LANCL1: variants seen among roughly 807,000 people sequenced by gnomAD.
The protein encoded by LANCL1 is LanC like glutathione S-transferase 1.
In LANCL1, 50 loss-of-function variants were observed where a neutral mutation model predicts 50.6. The observed-to-expected ratio is 0.99, with a 90% confidence interval of 0.79 to 1.25. The LOEUF (loss-of-function observed/expected upper bound fraction) is 1.25, where lower values mean the gene tolerates loss of function less well. Ranked by LOEUF, LANCL1 falls within the 50% of genes most tolerant of loss-of-function variation. LANCL1 has a pLI of 0.00. For synonymous variants in LANCL1, 188 were observed against 178.6 expected (o/e 1.05, Z -0.42); for missense variants, 532 against 480.7 (o/e 1.11, Z -1.00).
chr2:210,475,492 G>A (rs776825226), intron 2 of LANCL1, among the ~76,000 whole-genome samples: 9 of 151,978 alleles, frequency 5.9e-5, no homozygotes, highest in Admixed American at 4.6e-4. Context: ...ACCACACCTG[G>A]CTAATTTTTA....
intron 3 of LANCL1, among the ~76,000 whole-genome samples, chr2:210,458,792 G>A (rs1472379207): frequency 6.6e-6 from 1 of 152,128 alleles, no homozygotes; most frequent in Non-Finnish European, 1.5e-5. Context: ...TCCCAAATAT[G>A]ATTCTATTCT....
At chr2:210,461,536 G>T (rs543916684) in intron 3 of LANCL1, among the ~76,000 whole-genome samples, 1 of 152,236 alleles carries the variant, frequency 6.6e-6, no homozygotes, top group Admixed American at 6.5e-5. Flanking sequence ...GTAGATCAGA[G>T]GAACAGCATC....
chr2:210,469,962 A>C (rs1488337919), intron 3 of LANCL1, among the ~76,000 whole-genome samples: 2 of 117,050 alleles, frequency 1.7e-5, no homozygotes, highest in Admixed American at 9.8e-5. Context: ...ACTAGAATTA[A>C]CTAGTGATTT....
chr2:210,446,790 G>A (rs1559710940), intron 4 of LANCL1, among the ~76,000 whole-genome samples: 1 of 151,944 alleles, frequency 6.6e-6, no homozygotes. Flanking sequence ...AATAAAGCAT[G>A]AAGACAAGGT....
rs769055622 is a variant in LANCL1 at position 210,435,362 on chromosome 2, CAAAT to C, written c.1123+21_1123+24del. 3.8e-6 allele frequency: 6 copies of C among 1,567,338 alleles called. No individual in the cohort carries two copies. The South Asian group carries it at 6.7e-5, about 17-fold the overall frequency. On this transcript the variant is annotated intron_variant, in intron 9 of 9. Transcript: ENST00000450366. Reference sequence around the variant, plus strand: ...AGAAGTAGATGCTGATATTATAGGGCAAATAAATAAAGTGTACAAAATACCTTCA... The same window carrying C: ...AGAAGTAGATGCTGATATTATAGGGCAAATAAAGTGTACAAAATACCTTCA...
At chr2:210,438,544 A>G (rs991093695) in intron 6 of LANCL1, among the ~76,000 whole-genome samples, 3 of 152,228 alleles carry the variant, frequency 2.0e-5, no homozygotes, top group African/African-American at 4.8e-5. Context: ...CATGGTTTCA[A>G]TATATAAAAC....
rs570260624 is a variant in LANCL1 at position 210,437,928 on chromosome 2, C to A, written c.691-56G>T. 230 of 1,280,992 alleles carry A rather than the reference C, an allele frequency of 1.8e-4. 2 individuals carry two copies. In the African/African-American group the frequency reaches 3.2e-3, roughly 18 times the overall value. The allele number at this position is 1,280,992 out of a possible 1,614,324, so 79.4% of individuals were successfully genotyped here. ...CTGAAGCAAATAAACCTTCCTAGGT[C>A]TCAGTATATTTAAACCAGAAAAAAA... On this transcript the variant is annotated intron_variant, in intron 6 of 9. Transcript: ENST00000450366.
intron 3 of LANCL1, among the ~76,000 whole-genome samples, chr2:210,456,004 C>G (rs1414880835): frequency 2.0e-5 from 3 of 152,002 alleles, no homozygotes; most frequent in African/African-American, 7.2e-5. Flanking sequence ...TTGCCTTGGG[C>G]TCTACTTGAT....
rs534035939 is a variant in LANCL1, at chr2:210,431,602, G to GT, written c.*2884dup. The GT allele has an allele frequency of 7.9e-3, 1,197 of 152,242 alleles. 10 individuals are homozygous for GT. Among genetic ancestry groups the GT allele is most frequent in the Non-Finnish European group, 0.013 (861 of 68,012 alleles). The allele number at this position is 152,242 out of a possible 1,614,324, so 9.4% of individuals were successfully genotyped here. A position where few individuals can be genotyped will look rare whatever the true frequency, so the allele number is the denominator to read the frequency against. On this transcript the variant is annotated 3_prime_UTR_variant, in exon 10 of 10. Transcript: ENST00000450366. ...AGTAGCTAGTAAAAGGCAGGGCATC[G>GT]TAAGATCAGACAAAAATTAACCTGA...
chr2:210,459,573 G>C (rs917200494), intron 3 of LANCL1, among the ~76,000 whole-genome samples: 17 of 151,978 alleles, frequency 1.1e-4, no homozygotes, highest in Non-Finnish European at 2.2e-4. Flanking sequence ...AGTGGCTGTC[G>C]CGATGGAAAT....
In LANCL1 at chr2:210,432,060, A is replaced by AAAT. The variant is rs1217751298; in HGVS notation, c.*2424_*2426dup. On this transcript the variant is annotated 3_prime_UTR_variant, in exon 10 of 10. Coordinates refer to ENST00000450366, the MANE Select transcript of LANCL1 (RefSeq NM_006055.3). ...TCTGGGAAAGATTTTTAAAGAAGAA[A>AAAT]AATATCTGAGAGAAAAATACAAACT... 6.6e-6 allele frequency: 1 copy of AAAT among 152,172 alleles called. No individual in the cohort carries two copies. The highest frequency in any genetic ancestry group is 1.5e-5 in the Non-Finnish European group (1 of 68,028). 9.4% of individuals were successfully genotyped at this position (152,172 alleles called of 1,614,324 possible).
intron 4 of LANCL1, among the ~76,000 whole-genome samples, chr2:210,443,086 G>C (rs1432922338): frequency 6.6e-6 from 1 of 152,184 alleles, no homozygotes; most frequent in Non-Finnish European, 1.5e-5. Flanking sequence ...TGCATGCATA[G>C]TCATAGACAT....
intron 4 of LANCL1, among the ~76,000 whole-genome samples, chr2:210,444,116 C>T (rs1470458774): frequency 2.0e-5 from 3 of 152,310 alleles, no homozygotes; most frequent in South Asian, 4.1e-4. Flanking sequence ...TTCATTTGAA[C>T]ATACTCAGAA....
intron 4 of LANCL1, among the ~76,000 whole-genome samples, chr2:210,453,884 A>G (rs530040326): frequency 1.2e-3 from 176 of 152,216 alleles, no homozygotes; most frequent in African/African-American, 3.9e-3. Flanking sequence ...ATTTTGGTCG[A>G]GCTTGGTGAC....
chr2:210,447,906 G>A (rs1693393517), intron 4 of LANCL1, among the ~76,000 whole-genome samples: 1 of 152,034 alleles, frequency 6.6e-6, no homozygotes, highest in Admixed American at 6.6e-5. Context: ...CAAAAATAGT[G>A]GGAGACTGTA....
At chr2:210,462,838 C>G (rs915553072) in intron 3 of LANCL1, among the ~76,000 whole-genome samples, 1 of 152,184 alleles carries the variant, frequency 6.6e-6, no homozygotes, top group African/African-American at 2.4e-5. Flanking sequence ...CATACTTTAT[C>G]AGGGCTTACT....
At chr2:210,445,207 C>A (rs1693279167) in intron 4 of LANCL1, among the ~76,000 whole-genome samples, 1 of 152,040 alleles carries the variant, frequency 6.6e-6, no homozygotes, top group Non-Finnish European at 1.5e-5. Context: ...AAGTATTACA[C>A]CGAATTACTG....
At position 210,446,062 on chromosome 2, in the gene LANCL1, C is replaced by T. The variant is rs557269411; in HGVS notation, c.408-4619G>A. 1.4e-4 allele frequency among the ~76,000 whole-genome samples: 22 copies of T among 152,298 alleles called. No homozygotes were observed. The East Asian group carries it at 2.1e-3, about 15-fold the overall frequency. On this transcript the variant is annotated intron_variant, in intron 4 of 9. Transcript: ENST00000450366. Reference sequence around the variant, plus strand: ...AGCAGACTTAAACATTCCTGCGTGCCGGCTCTGAAGAGAGCAGTGGATCTC... The same window carrying T: ...AGCAGACTTAAACATTCCTGCGTGCTGGCTCTGAAGAGAGCAGTGGATCTC...
At chr2:210,469,780 G>A (rs1694170488) in intron 3 of LANCL1, among the ~76,000 whole-genome samples, 1 of 152,094 alleles carries the variant, frequency 6.6e-6, no homozygotes, top group African/African-American at 2.4e-5. Context: ...TTCTCAACTA[G>A]CCCTAGCAAT....
Sources: gnomAD v4.1 joint callset for allele counts (sites outside exome capture counted in the v4.1 genomes callset) on GRCh38, gnomAD v4.1.1 for gene constraint, MANE v1.5 for transcripts, NCBI Gene and HGNC (gene_info 2026-07-23, HGNC 2026-07-21) for gene names.